The following NR2F1-AS1 variants were observed in gnomAD, a reference collection of about 807,000 sequenced individuals.
NR2F1-AS1 encodes NR2F1 regulatory antisense RNA 1, also known as NR2F1 antisense RNA 1.
At chr5:93,508,407 T>C (rs1439002611) in intron 4 of NR2F1-AS1, among the ~76,000 whole-genome samples, 1 of 152,104 alleles carries the variant, frequency 6.6e-6, no homozygotes, top group Non-Finnish European at 1.5e-5. Context: ...ATAATGATAC[T>C]GAGAAAATTA....
chr5:93,550,240 T>G (rs949177747), intron 4 of NR2F1-AS1, among the ~76,000 whole-genome samples: 4 of 152,180 alleles, frequency 2.6e-5, no homozygotes, highest in Non-Finnish European at 4.4e-5. Flanking sequence ...TGAAGAATTC[T>G]TATTAAGTCA....
intron 4 of NR2F1-AS1, among the ~76,000 whole-genome samples, chr5:93,411,667 C>T (rs1450840192): frequency 6.6e-6 from 1 of 152,164 alleles, no homozygotes; most frequent in African/African-American, 2.4e-5. Flanking sequence ...AAAGCTTTAT[C>T]TCCCTACTTT....
chr5:93,576,508 T>C (rs1016463819), intron 1 of NR2F1-AS1, among the ~76,000 whole-genome samples: 3 of 152,130 alleles, frequency 2.0e-5, no homozygotes, highest in Non-Finnish European at 4.4e-5. Flanking sequence ...AAATATATCT[T>C]TCCACTGACA....
upstream of NR2F1-AS1, among the ~76,000 whole-genome samples, chr5:93,582,397 A>G (rs1753123776): frequency 6.6e-6 from 1 of 152,036 alleles, no homozygotes; most frequent in African/African-American, 2.4e-5. Context: ...AAATTCCAGG[A>G]GTGTGCTTTG....
upstream of NR2F1-AS1, among the ~76,000 whole-genome samples, chr5:93,581,728 CT>C (rs1263196861): frequency 1.5e-4 from 9 of 60,480 alleles, no homozygotes; most frequent in African/African-American, 2.9e-4. Flanking sequence ...CTCTCTCTCT[CT>C]CTCTCCCCCT....
intron 1 of NR2F1-AS1, among the ~76,000 whole-genome samples, chr5:93,565,125 T>C (rs1004460975): frequency 3.3e-5 from 5 of 152,156 alleles, no homozygotes; most frequent in Admixed American, 1.3e-4. Flanking sequence ...TCAGGAAAAC[T>C]GAGTTTTATT....
intron 4 of NR2F1-AS1, among the ~76,000 whole-genome samples, chr5:93,456,472 T>G (rs1289044092): frequency 1.3e-5 from 2 of 152,206 alleles, no homozygotes; most frequent in African/African-American, 4.8e-5. Context: ...AGATGTACTA[T>G]GTTTATGGAT....
upstream of NR2F1-AS1, among the ~76,000 whole-genome samples, chr5:93,582,271 T>TTAA (rs1554074296): frequency 7.6e-6 from 1 of 131,066 alleles, no homozygotes; most frequent in African/African-American, 2.7e-5. Flanking sequence ...AGCCAGGTGA[T>TTAA]AAAAAAAAAA....
upstream of NR2F1-AS1, among the ~76,000 whole-genome samples, chr5:93,582,222 T>C (rs1369814340): frequency 6.6e-6 from 1 of 150,706 alleles, no homozygotes; most frequent in Non-Finnish European, 1.5e-5. Flanking sequence ...TTACTACTGT[T>C]TTATTAATAA....
intron 4 of NR2F1-AS1, among the ~76,000 whole-genome samples, chr5:93,412,743 G>A (rs1748882332): frequency 6.6e-6 from 1 of 152,108 alleles, no homozygotes; most frequent in African/African-American, 2.4e-5. Flanking sequence ...CCAGCTGTAG[G>A]CTGGGATCCA....
chr5:93,532,674 C>T (rs1234538571), intron 4 of NR2F1-AS1, among the ~76,000 whole-genome samples: 6 of 152,204 alleles, frequency 3.9e-5, no homozygotes, highest in Admixed American at 1.3e-4. Flanking sequence ...TCCACAGGAA[C>T]GGTTTGGCAG....
chr5:93,465,969 A>C (rs527409409), intron 4 of NR2F1-AS1, among the ~76,000 whole-genome samples: 10 of 152,106 alleles, frequency 6.6e-5, no homozygotes, highest in Non-Finnish European at 1.2e-4. Flanking sequence ...GAAATGCCTA[A>C]TGTAAATGAC....
chr5:93,456,422 T>C (rs1372260293), intron 4 of NR2F1-AS1, among the ~76,000 whole-genome samples: 1 of 152,118 alleles, frequency 6.6e-6, no homozygotes, highest in Non-Finnish European at 1.5e-5. Flanking sequence ...AACTATAAAA[T>C]GTTGCTGACA....
At chr5:93,488,151 C>T (rs1269388116) in intron 4 of NR2F1-AS1, among the ~76,000 whole-genome samples, 1 of 152,166 alleles carries the variant, frequency 6.6e-6, no homozygotes, top group African/African-American at 2.4e-5. Flanking sequence ...AGAAGAAAAC[C>T]TATGCAATAT....
Position 93,579,574 on chromosome 5 carries a change from C to A in NR2F1-AS1, n.313+893G>T, listed in dbSNP as rs1423893689. 6.6e-6 allele frequency among the ~76,000 whole-genome samples: 1 copy of A among 152,176 alleles called. No homozygotes were observed. Among genetic ancestry groups the A allele is most frequent in the African/African-American group, 2.4e-5 (1 of 41,456 alleles). On this transcript the variant is annotated intron_variant and non_coding_transcript_variant, in intron 1 of 5. Transcript: ENST00000660523. The surrounding 1 kb of genome is among the most constrained non-coding windows in gnomAD (Gnocchi z 5.1). ...CCCGGGCCAGCCCAGCTAGGCAAGG[C>A]CTCCTCGCTTCCGAGACCCCCCAGC...
chr5:93,549,291 G>T (rs1561495417), intron 4 of NR2F1-AS1, among the ~76,000 whole-genome samples: 1 of 152,116 alleles, frequency 6.6e-6, no homozygotes, highest in African/African-American at 2.4e-5. Flanking sequence ...ATATTACTCA[G>T]AAGGGATTTT....
At chr5:93,437,618 C>T (rs1037594411) in intron 4 of NR2F1-AS1, among the ~76,000 whole-genome samples, 1 of 152,200 alleles carries the variant, frequency 6.6e-6, no homozygotes, top group Admixed American at 6.5e-5. Flanking sequence ...AGCAGATCAT[C>T]AAACCTCAAA....
At chr5:93,582,067 T>A (rs1246498662), upstream of NR2F1-AS1, among the ~76,000 whole-genome samples, 3 of 139,428 alleles carry the variant, frequency 2.2e-5, no homozygotes, top group African/African-American at 8.1e-5. Context: ...TTTCCTCTCC[T>A]CTCTCTCTGT....
rs556042868 is a variant in NR2F1-AS1, at chr5:93,522,976, T to C, written n.638+30785A>G. ...TTTTTTTTTTTTCATATCCCAGTGG[T>C]GCCTGGAACACCAGTGAGAGAGAAC... is the stretch of plus-strand genomic sequence containing the variant. On this transcript the variant is annotated intron_variant and non_coding_transcript_variant, in intron 4 of 5. Coordinates refer to ENST00000660523, the Ensembl canonical transcript of NR2F1-AS1. Among the ~76,000 whole-genome samples, 29 of 150,702 alleles carry C rather than the reference T, an allele frequency of 1.9e-4. 1 individual carries two copies. In the East Asian group the frequency reaches 4.1e-3, roughly 21 times the overall value.
Sources: gnomAD v4.1 joint callset for allele counts (sites outside exome capture counted in the v4.1 genomes callset) on GRCh38, gnomAD v4.1.1 for gene constraint, Gnocchi (gnomAD v3.1) non-coding constraint, MANE v1.5 for transcripts, NCBI Gene and HGNC (gene_info 2026-07-23, HGNC 2026-07-21) for gene names.